Variants in XKR6 observed in about 807,000 individuals in gnomAD.
XKR6 encodes the protein XK-related protein 6.
A neutral mutation model predicts 56.7 loss-of-function variants in XKR6; 22 were observed. The observed-to-expected ratio is 0.39, with a 90% CI of 0.28 to 0.55. The LOEUF is 0.55. Among genes scored for constraint, XKR6 ranks in the 20% least tolerant of loss-of-function variants. XKR6 has a pLI of 0.66. For missense variants in XKR6, 852 were observed against 889.0 expected (o/e 0.96, Z 0.53); for synonymous variants, 524 against 387.8 (o/e 1.35, Z -4.13).
chr8:11,097,534 G>A (rs1018409049), intron 1 of XKR6, among the ~76,000 whole-genome samples: 4 of 151,406 alleles, frequency 2.6e-5, no homozygotes, highest in African/African-American at 9.7e-5. Flanking sequence ...CAGGCTGGGT[G>A]CGGTGTCTCA....
At chr8:11,137,770 T>C in intron 1 of XKR6, 1 of 447,494 alleles carries the variant, frequency 2.2e-6, no homozygotes, top group Non-Finnish European at 4.5e-6. Context: ...CGGTCCTCTT[T>C]CTCTTTACCA....
chr8:11,199,118 G>T (rs1804054763), intron 1 of XKR6, among the ~76,000 whole-genome samples: 1 of 152,118 alleles, frequency 6.6e-6, no homozygotes, highest in African/African-American at 2.4e-5. Context: ...AAACTTATCA[G>T]CAGGAAACAA....
chr8:11,007,826 G>A lies in XKR6; in HGVS notation c.765-82996C>T, dbSNP rs552220043. On this transcript the variant is annotated intron_variant, in intron 1 of 2. Transcript: ENST00000416569. ...CCTGCAGCTCCCCTTCTCCTCTCTG[G>A]GCTTGTATCTTTTCCTAGCGGTAGG... is the stretch of plus-strand genomic sequence containing the variant. 1.2e-4 allele frequency among the ~76,000 whole-genome samples: 18 copies of A among 151,636 alleles called. No individual in the cohort carries two copies. In the South Asian group the frequency reaches 3.7e-3, roughly 32 times the overall value.
chr8:10,943,458 C>A (rs947898311), intron 1 of XKR6, among the ~76,000 whole-genome samples: 5 of 152,190 alleles, frequency 3.3e-5, no homozygotes, highest in Non-Finnish European at 5.9e-5. Context: ...ACATCCATGG[C>A]TCTCCATCCC....
At chr8:11,066,994 G>C (rs187229697) in intron 1 of XKR6, 1 of 152,558 alleles carries the variant, frequency 6.6e-6, no homozygotes, top group East Asian at 1.9e-4. Context: ...AGGTGCATGT[G>C]GAAGCTTCAT....
chr8:11,150,721 C>A (rs1801230084), intron 1 of XKR6, among the ~76,000 whole-genome samples: 1 of 151,844 alleles, frequency 6.6e-6, no homozygotes, highest in Non-Finnish European at 1.5e-5. Flanking sequence ...GGTGTGGTGG[C>A]GGGCGCCTAT....
rs368034346 is a variant in XKR6 at position 10,896,846 on chromosome 8, G to C, written c.*1106C>G. The C allele has an allele frequency of 2.6e-5, 4 of 152,352 alleles. No homozygotes were observed. Among genetic ancestry groups the C allele is most frequent in the South Asian group, 4.1e-4 (2 of 4,820 alleles). 9.4% of individuals were successfully genotyped at this position (152,352 alleles called of 1,614,324 possible). On this transcript the variant is annotated 3_prime_UTR_variant, in exon 3 of 3. Transcript: ENST00000416569. Reference sequence around the variant, plus strand: ...TAAGGCTTCCCACCAAATGGAAACAGAAGAGGCTTTACACAATATCACATG... The same window carrying C: ...TAAGGCTTCCCACCAAATGGAAACACAAGAGGCTTTACACAATATCACATG...
intron 1 of XKR6, among the ~76,000 whole-genome samples, chr8:10,988,470 A>T (rs1205606071): frequency 6.6e-6 from 1 of 152,136 alleles, no homozygotes; most frequent in Non-Finnish European, 1.5e-5. Context: ...CACAGACACT[A>T]CCTCCATATG....
chr8:11,019,059 C>T (rs1387768240), intron 1 of XKR6, among the ~76,000 whole-genome samples: 1 of 152,204 alleles, frequency 6.6e-6, no homozygotes, highest in East Asian at 1.9e-4. Context: ...CTCCTTCTTC[C>T]TGGTGGCACT....
Position 10,908,537 on chromosome 8 carries a change from C to T in XKR6, c.962-9621G>A, listed in dbSNP as rs192582887. 8.9e-4 allele frequency among the ~76,000 whole-genome samples: 136 copies of T among 152,188 alleles called. 1 individual carries two copies. The highest frequency in any genetic ancestry group is 3.1e-3 in the African/African-American group (128 of 41,520). On this transcript the variant is annotated intron_variant, in intron 2 of 2. Transcript: ENST00000416569. Reference sequence around the variant, plus strand: ...GCTGGCTCCTCAGACATGCTCCAGCCGCACTTGCTACTTCCTCTGCCTGGA... The same window carrying T: ...GCTGGCTCCTCAGACATGCTCCAGCTGCACTTGCTACTTCCTCTGCCTGGA...
chr8:11,043,825 A>G (rs1423833851), intron 1 of XKR6, among the ~76,000 whole-genome samples: 1 of 152,262 alleles, frequency 6.6e-6, no homozygotes, highest in South Asian at 2.1e-4. Flanking sequence ...CATTAATGCC[A>G]AAGCAGAGAT....
At chr8:11,031,761 T>C (rs372768429) in intron 1 of XKR6, among the ~76,000 whole-genome samples, 8 of 152,238 alleles carry the variant, frequency 5.3e-5, no homozygotes, top group African/African-American at 1.9e-4. Context: ...CTGGCTAAAA[T>C]AAACGTGACA....
chr8:11,062,072 G>A (rs1799849226), intron 1 of XKR6, among the ~76,000 whole-genome samples: 1 of 152,166 alleles, frequency 6.6e-6, no homozygotes, highest in African/African-American at 2.4e-5. Flanking sequence ...CAGACAGGAT[G>A]GGAAAACCAG....
intron 1 of XKR6, among the ~76,000 whole-genome samples, chr8:11,080,923 C>A (rs1447715818): frequency 6.6e-6 from 1 of 152,110 alleles, no homozygotes; most frequent in Non-Finnish European, 1.5e-5. Context: ...AACTGTGGAT[C>A]ACAAAAGAAG....
chr8:11,150,745 C>G (rs1488173691), intron 1 of XKR6, among the ~76,000 whole-genome samples: 1 of 150,478 alleles, frequency 6.6e-6, no homozygotes, highest in Non-Finnish European at 1.5e-5. Flanking sequence ...CCCAGCTACT[C>G]AGGAGGCTGA....
intron 1 of XKR6, among the ~76,000 whole-genome samples, chr8:11,136,434 G>T (rs1188056961): frequency 6.6e-6 from 1 of 151,934 alleles, no homozygotes; most frequent in Non-Finnish European, 1.5e-5. Context: ...AACCCGGGGG[G>T]CGGAGGTTGT....
chr8:10,928,661 T>C (rs1800968831), intron 1 of XKR6, among the ~76,000 whole-genome samples: 1 of 152,186 alleles, frequency 6.6e-6, no homozygotes. Flanking sequence ...GCAAGTGATC[T>C]CATCCCACAG....
At chr8:10,909,719 T>C (rs953911392) in intron 2 of XKR6, among the ~76,000 whole-genome samples, 5 of 152,178 alleles carry the variant, frequency 3.3e-5, no homozygotes, top group African/African-American at 9.7e-5. Context: ...GCCTTTGTCA[T>C]TTAGGAAGAA....
intron 1 of XKR6, among the ~76,000 whole-genome samples, chr8:11,126,953 G>A (rs1392778073): frequency 6.6e-6 from 1 of 152,172 alleles, no homozygotes; most frequent in East Asian, 1.9e-4. Flanking sequence ...CAAACCAGCT[G>A]TAATCCAATG....
Sources: gnomAD v4.1 joint callset for allele counts (sites outside exome capture counted in the v4.1 genomes callset) on GRCh38, gnomAD v4.1.1 for gene constraint, MANE v1.5 for transcripts, NCBI Gene and HGNC (gene_info 2026-07-23, HGNC 2026-07-21) for gene names.